Variants in ELMOD2 observed in about 807,000 individuals in gnomAD.
ELMOD2 encodes the protein ELMO domain-containing protein 2.
In ELMOD2, 28 loss-of-function variants were observed where a neutral mutation model predicts 41.0. That is an observed-to-expected ratio of 0.68 (90% CI 0.51 to 0.94). ELMOD2 has a LOEUF of 0.94. Ranked by LOEUF, ELMOD2 falls within the 40% of genes least tolerant of loss-of-function variation. ELMOD2 has a pLI of 0.00. For synonymous variants in ELMOD2, 106 were observed against 107.2 expected (o/e 0.99, Z 0.07); for missense variants, 333 against 343.1 (o/e 0.97, Z 0.23).
chr4:140,529,713 C>G (rs1734684325), intron 3 of ELMOD2, among the ~76,000 whole-genome samples: 1 of 152,192 alleles, frequency 6.6e-6, no homozygotes, highest in African/African-American at 2.4e-5. Context: ...GAATTATCTT[C>G]TCCCGCTTAA....
At chr4:140,525,294 C>T (rs1734521343) in intron 1 of ELMOD2, 126 bp from the exon 2 acceptor site, 1 of 1,042,556 alleles carries the variant, frequency 9.6e-7, no homozygotes. Context: ...CCTAATTAAA[C>T]TGTCAAAACA....
intron 7 of ELMOD2, 144 bp from the exon 8 acceptor site, chr4:140,543,309 A>T: frequency 1.2e-6 from 1 of 825,566 alleles, no homozygotes; most frequent in South Asian, 2.2e-5. Flanking sequence ...TCTTTCTAGT[A>T]TATTTTTCTT....
At chr4:140,545,176 C>A (rs1221803779) in intron 8 of ELMOD2, among the ~76,000 whole-genome samples, 1 of 152,064 alleles carries the variant, frequency 6.6e-6, no homozygotes, top group Non-Finnish European at 1.5e-5. Context: ...GTTTTTTCTT[C>A]ATGTTATTTG....
intron 7 of ELMOD2, 81 bp from the exon 8 acceptor site, chr4:140,543,372 T>C: frequency 1.4e-6 from 2 of 1,454,568 alleles, no homozygotes; most frequent in Non-Finnish European, 1.9e-6. Context: ...GAAGTCACTT[T>C]CTACTAATTC....
At chr4:140,541,049 C>T (rs1449292222) in intron 6 of ELMOD2, among the ~76,000 whole-genome samples, 9 of 152,310 alleles carry the variant, frequency 5.9e-5, no homozygotes, top group Admixed American at 6.5e-5. Context: ...TCTCCTTTAT[C>T]TTCTTTAATA....
chr4:140,527,444 T>C, intron 2 of ELMOD2, 22 bp from the exon 3 acceptor site: 1 of 1,492,498 alleles, frequency 6.7e-7, no homozygotes, highest in South Asian at 1.2e-5. Flanking sequence ...ATAACATCTT[T>C]TTTTTTTTTT....
chr4:140,550,038 A>G (rs1179183589), intron 8 of ELMOD2, among the ~76,000 whole-genome samples, 192 bp from the exon 9 acceptor site: 1 of 152,126 alleles, frequency 6.6e-6, no homozygotes, highest in Non-Finnish European at 1.5e-5. Flanking sequence ...TTTGAGACAA[A>G]TAGTAAATAT....
intron 8 of ELMOD2, among the ~76,000 whole-genome samples, chr4:140,544,157 G>A (rs1335490514): frequency 3.9e-5 from 6 of 152,100 alleles, no homozygotes; most frequent in African/African-American, 1.4e-4. Flanking sequence ...TTGTTCAGAA[G>A]CAAAGAACTC....
intron 6 of ELMOD2, among the ~76,000 whole-genome samples, chr4:140,540,768 G>A (rs1015602467): frequency 2.0e-5 from 3 of 150,434 alleles, no homozygotes; most frequent in African/African-American, 7.3e-5. Flanking sequence ...AAAGACATTG[G>A]TGGAAATATA....
chr4:140,531,846 T>C (rs1734758731), intron 3 of ELMOD2, among the ~76,000 whole-genome samples: 1 of 152,172 alleles, frequency 6.6e-6, no homozygotes, highest in Admixed American at 6.5e-5. Context: ...ATCTAAATAG[T>C]AGTATACTTA....
intron 2 of ELMOD2, among the ~76,000 whole-genome samples, chr4:140,527,251 C>T (rs1734592924): frequency 6.6e-6 from 1 of 152,030 alleles, no homozygotes; most frequent in Non-Finnish European, 1.5e-5. Flanking sequence ...GGTGTCACCT[C>T]TTTGAATAGG....
At chr4:140,545,777 A>G (rs1339475799) in intron 8 of ELMOD2, among the ~76,000 whole-genome samples, 1 of 152,096 alleles carries the variant, frequency 6.6e-6, no homozygotes, top group Non-Finnish European at 1.5e-5. Context: ...CATAAATAAC[A>G]TAAATGAGAT....
chr4:140,542,651 G>T lies in ELMOD2; in HGVS notation c.602+9G>T. On this transcript the variant is annotated intron_variant, in intron 7 of 8. Transcript: ENST00000323570. ...AATCATCCAAAATTAGGGTAAGCTGGGTATATTAAAGAAGCCGTAATCTCT... is the reference window on the plus strand; with the variant it reads ...AATCATCCAAAATTAGGGTAAGCTGTGTATATTAAAGAAGCCGTAATCTCT... The T allele has an allele frequency of 6.3e-7, 1 of 1,590,948 alleles. No individual in the cohort carries two copies. The highest frequency in any genetic ancestry group is 8.6e-7 in the Non-Finnish European group (1 of 1,165,576).
intron 5 of ELMOD2, among the ~76,000 whole-genome samples, chr4:140,538,618 C>T (rs572276059): frequency 7.2e-4 from 109 of 152,272 alleles, no homozygotes; most frequent in Middle Eastern, 3.4e-3. Flanking sequence ...CCTTGCTACA[C>T]GATACCTTTC....
intron 5 of ELMOD2, among the ~76,000 whole-genome samples, chr4:140,538,089 A>G (rs959116): frequency 0.2 from 30,353 of 152,068 alleles, 3,117 homozygotes; most frequent in Admixed American, 0.27. Context: ...TCTTATTTCT[A>G]AAGTATAAAT....
Position 140,550,517 on chromosome 4 carries a change from AGTGG to A in ELMOD2, c.*143_*146del. The A allele has an allele frequency of 1.2e-6, 1 of 847,856 alleles. No individual in the cohort carries two copies. The highest frequency in any genetic ancestry group is 1.7e-6 in the Non-Finnish European group (1 of 587,288). The allele number at this position is 847,856 out of a possible 1,614,324, so 52.5% of individuals were successfully genotyped here. A position where few individuals can be genotyped will look rare whatever the true frequency, so the allele number is the denominator to read the frequency against. On this transcript the variant is annotated 3_prime_UTR_variant, in exon 9 of 9. Coordinates refer to ENST00000323570, the MANE Select transcript of ELMOD2 (RefSeq NM_153702.4). ...TTCAGAAATTCTATTTAAGAAAGCT[AGTGG>A]ACAATCAGTGTATGTTTACAATTGT...
chr4:140,548,734 T>A (rs1171593797), intron 8 of ELMOD2, among the ~76,000 whole-genome samples: 3 of 152,180 alleles, frequency 2.0e-5, no homozygotes, highest in African/African-American at 7.2e-5. Flanking sequence ...ATCCTAGGGC[T>A]GCTCTGACAG....
At chr4:140,548,833 G>T (rs1462181983) in intron 8 of ELMOD2, among the ~76,000 whole-genome samples, 1 of 151,944 alleles carries the variant, frequency 6.6e-6, no homozygotes, top group East Asian at 1.9e-4. Context: ...GACTGGGGTG[G>T]TTTTATTTTT....
chr4:140,540,177 C>T lies in ELMOD2; in HGVS notation c.409C>T (p.Leu137Phe), dbSNP rs1373948653. The T allele has an allele frequency of 6.2e-7, 1 of 1,614,024 alleles. No homozygotes were observed. Among genetic ancestry groups the T allele is most frequent in the Admixed American group, 1.7e-5 (1 of 59,996 alleles). ...AAATATATTTGTACAGCTTTGGAAT[C>T]TTCTAATGCCCACGAAGAAGTTAAA... ...HEELLMKLWN[L>F]LMPTKKLNAR... Residue 137 changes from leucine to phenylalanine, a missense_variant, in exon 6 of 9, where the codon CTT becomes TTT. Physicochemically the swap from Leu to Phe is conservative, Grantham distance 22 (BLOSUM62 0). Transcript: ENST00000323570.
Sources: gnomAD v4.1 joint callset for allele counts (sites outside exome capture counted in the v4.1 genomes callset) on GRCh38, gnomAD v4.1.1 for gene constraint, MANE v1.5 for transcripts, NCBI Gene and HGNC (gene_info 2026-07-23, HGNC 2026-07-21) for gene names.